Variants in SI observed in about 807,000 individuals in gnomAD.
SI encodes sucrase-isomaltase.
In SI, 235 loss-of-function variants were observed where a neutral mutation model predicts 253.3. The ratio of observed to expected loss-of-function variants is 0.93; its 90% CI spans 0.83 to 1.03. SI has a LOEUF of 1.03. Ranked by LOEUF, SI falls within the 50% of genes least tolerant of loss-of-function variation. SI has a pLI of 0.00. For missense variants in SI, 2,442 were observed against 2,211.1 expected (o/e 1.10, Z -2.09); for synonymous variants, 819 against 712.0 (o/e 1.15, Z -2.39).
intron 40 of SI, among the ~76,000 whole-genome samples, chr3:164,995,398 A>G (rs75183555): frequency 0.014 from 2,202 of 151,936 alleles, 17 homozygotes; most frequent in Middle Eastern, 0.024. Context: ...GACCTCATTA[A>G]TATGATTTTA....
At chr3:165,055,126 A>G in intron 13 of SI, 68 bp downstream of exon 13, 2 of 906,330 alleles carry the variant, frequency 2.2e-6, no homozygotes, top group East Asian at 4.9e-5. Context: ...TTGTTGACTT[A>G]GTAATTTTTA....
chr3:165,036,637 C>T (rs988411213), intron 21 of SI, among the ~76,000 whole-genome samples, 160 bp from the exon 22 acceptor site: 1 of 151,440 alleles, frequency 6.6e-6, no homozygotes, highest in Non-Finnish European at 1.5e-5. Flanking sequence ...AATAATTTAC[C>T]GATACCAATG....
intron 26 of SI, among the ~76,000 whole-genome samples, chr3:165,023,085 A>T (rs1711711473): frequency 6.6e-6 from 1 of 151,558 alleles, no homozygotes; most frequent in African/African-American, 2.4e-5. Flanking sequence ...ATAATTTTAC[A>T]TCTAGTTATT....
At chr3:164,987,024 T>G (rs544828279) in intron 45 of SI, 114 bp downstream of exon 45, 1 of 842,402 alleles carries the variant, frequency 1.2e-6, no homozygotes, top group East Asian at 2.6e-5. Context: ...CTTTTAGCCT[T>G]GAATAATATT....
chr3:165,023,000 T>C (rs1487867822), intron 26 of SI, among the ~76,000 whole-genome samples: 1 of 151,546 alleles, frequency 6.6e-6, no homozygotes, highest in Admixed American at 6.6e-5. Flanking sequence ...TTCATTTGAG[T>C]TTGCTAATGA....
At chr3:165,015,476 A>G (rs748933561) in intron 32 of SI, among the ~76,000 whole-genome samples, 2 of 152,032 alleles carry the variant, frequency 1.3e-5, no homozygotes, top group Non-Finnish European at 2.9e-5. Flanking sequence ...AGAGGTTTTT[A>G]TTTTGTTTTT....
At chr3:164,994,995 T>G (rs1401922752) in intron 40 of SI, among the ~76,000 whole-genome samples, 1 of 151,772 alleles carries the variant, frequency 6.6e-6, no homozygotes, top group Admixed American at 6.6e-5. Flanking sequence ...AGTGGAAGAT[T>G]AAAAGTCTAC....
chr3:165,023,539 T>C, intron 26 of SI, 31 bp downstream of exon 26: 2 of 1,459,008 alleles, frequency 1.4e-6, no homozygotes, highest in Non-Finnish European at 1.9e-6. Context: ...CAAGATGAGT[T>C]AAGCTTTGGG....
intron 36 of SI, 38 bp from the exon 37 acceptor site, chr3:165,006,992 C>G (rs1474752125): frequency 7.1e-7 from 1 of 1,406,338 alleles, no homozygotes; most frequent in Non-Finnish European, 9.9e-7. Context: ...ATATATTATA[C>G]AGTGCCCTAC....
At chr3:165,077,421 A>G (rs554699898) in intron 1 of SI, among the ~76,000 whole-genome samples, 1 of 151,892 alleles carries the variant, frequency 6.6e-6, no homozygotes, top group South Asian at 2.1e-4. Context: ...AGCAAAAATT[A>G]TAAAAGTAGT....
In SI at chr3:165,007,925, G is replaced by A; in HGVS notation, c.4253C>T (p.Pro1418Leu). 6.3e-7 allele frequency: 1 copy of A among 1,582,200 alleles called. No homozygotes were observed. The highest frequency in any genetic ancestry group is 8.7e-7 in the Non-Finnish European group (1 of 1,152,924). The change falls in exon 36 of 48, where the codon CCA (proline) becomes CTA (leucine). Residue 1418 changes from proline (P) to leucine (L), a missense_variant. Physicochemically the swap from Pro to Leu is moderately conservative, Grantham distance 98 (BLOSUM62 -3). Coordinates refer to ENST00000264382, the MANE Select transcript of SI (RefSeq NM_001041.4). ...NQCRNDELNY[P>L]PYFPELTKRT... The stretch of plus-strand genomic sequence containing the variant: ...CAATATTGTACCTGGGAAATAAGGT[G>A]GATAATTTAGTTCGTCATTTCTGCA...
At chr3:165,077,340 G>A (rs1353761119) in intron 1 of SI, among the ~76,000 whole-genome samples, 1 of 151,484 alleles carries the variant, frequency 6.6e-6, no homozygotes, top group African/African-American at 2.4e-5. Flanking sequence ...ATTTACCATA[G>A]CATATTAAAT....
chr3:165,054,357 C>T (rs1197397017), intron 13 of SI, among the ~76,000 whole-genome samples: 1 of 151,932 alleles, frequency 6.6e-6, no homozygotes, highest in Non-Finnish European at 1.5e-5. Flanking sequence ...TTTAAAGAAA[C>T]TCTTAAACAC....
chr3:165,073,230 C>G (rs1439716305), intron 3 of SI, among the ~76,000 whole-genome samples: 3 of 88,224 alleles, frequency 3.4e-5, no homozygotes, highest in African/African-American at 1.2e-4. Context: ...CTCTCTCTGT[C>G]TCTTTCCCTC....
At chr3:164,993,610 G>A (rs1717876449) in intron 41 of SI, among the ~76,000 whole-genome samples, 1 of 151,310 alleles carries the variant, frequency 6.6e-6, no homozygotes, top group Admixed American at 6.6e-5. Flanking sequence ...GGGTTTTTTT[G>A]TTTTTATGTT....
intron 38 of SI, among the ~76,000 whole-genome samples, chr3:164,997,739 G>A (rs1248473510): frequency 6.6e-6 from 1 of 151,664 alleles, no homozygotes; most frequent in Non-Finnish European, 1.5e-5. Context: ...AGAATATGTG[G>A]TATTTTGTTT....
chr3:164,992,136 T>C (rs771619413), intron 43 of SI, 41 bp downstream of exon 43: 22 of 1,516,488 alleles, frequency 1.5e-5, no homozygotes, highest in East Asian at 1.4e-4. Flanking sequence ...CAATTACCCG[T>C]TTCTGTTTAG....
At chr3:165,059,400 T>C (rs1016054502) in intron 10 of SI, 101 bp from the exon 11 acceptor site, 2 of 1,156,078 alleles carry the variant, frequency 1.7e-6, no homozygotes, top group Non-Finnish European at 1.3e-6. Flanking sequence ...ACATAACCCT[T>C]AAAAAATAAA....
chr3:165,067,579 T>TA, intron 5 of SI, 88 bp from the exon 6 acceptor site: 3 of 1,187,150 alleles, frequency 2.5e-6, no homozygotes, highest in South Asian at 2.5e-5. Context: ...AAGTTCCAAA[T>TA]AAAAAATAAC....
Sources: gnomAD v4.1 joint callset for allele counts (sites outside exome capture counted in the v4.1 genomes callset) on GRCh38, gnomAD v4.1.1 for gene constraint, MANE v1.5 for transcripts, NCBI Gene and HGNC (gene_info 2026-07-23, HGNC 2026-07-21) for gene names.